PTH2R: variants seen among roughly 807,000 people sequenced by gnomAD.
PTH2R encodes the protein PTH2 receptor.
In PTH2R, 59 loss-of-function variants were observed where a neutral mutation model predicts 60.3. That is an observed-to-expected ratio of 0.98 (90% CI 0.79 to 1.22). The LOEUF is 1.22. PTH2R is among the 50% of genes most tolerant of loss of function. PTH2R has a pLI of 0.00. For synonymous variants in PTH2R, 256 were observed against 243.8 expected, an observed-to-expected ratio of 1.05 and a Z score of -0.47; for missense variants, 749 against 682.6, an observed-to-expected ratio of 1.10 and a Z score of -1.08.
chr2:208,405,551 A>G (rs1701386105), upstream of PTH2R, among the ~76,000 whole-genome samples: 1 of 152,234 alleles, frequency 6.6e-6, no homozygotes, highest in Non-Finnish European at 1.5e-5. Flanking sequence ...CCATTCACAG[A>G]CTATGATCAC....
rs1701419874 is a variant in PTH2R, at chr2:208,406,795, A to G, written c.-249A>G. 2.8e-6 allele frequency: 1 copy of G among 352,994 alleles called. No homozygotes were observed. The highest frequency in any genetic ancestry group is 5.1e-6 in the Non-Finnish European group (1 of 197,272). The allele number at this position is 352,994 out of a possible 1,614,324, so 21.9% of individuals were successfully genotyped here. On this transcript the variant is annotated 5_prime_UTR_variant, in exon 1 of 13. Transcript: ENST00000272847. ...CGCGGGGCTGCGAGTCAAGTCCAGG[A>G]CTCGGGCCAGTCTCTCCGGAAGACA...
At chr2:208,471,439 CA>C (rs1426899271) in intron 9 of PTH2R, among the ~76,000 whole-genome samples, 5 of 152,320 alleles carry the variant, frequency 3.3e-5, no homozygotes, top group Non-Finnish European at 7.3e-5. Flanking sequence ...CTGCTCCAGC[CA>C]TGGCTGAAAG....
intron 7 of PTH2R, among the ~76,000 whole-genome samples, chr2:208,446,526 A>G (rs1025560760): frequency 3.3e-5 from 5 of 152,236 alleles, no homozygotes; most frequent in South Asian, 2.1e-4. Context: ...CGCATTTTAC[A>G]TGCCACATTT....
At chr2:208,452,598 C>A (rs1702428395) in intron 8 of PTH2R, among the ~76,000 whole-genome samples, 5 of 152,124 alleles carry the variant, frequency 3.3e-5, no homozygotes. Context: ...TATAGACCCT[C>A]ATAGGCCAGA....
intron 7 of PTH2R, among the ~76,000 whole-genome samples, chr2:208,445,515 A>T (rs182349621): frequency 6.6e-6 from 1 of 152,208 alleles, no homozygotes; most frequent in African/African-American, 2.4e-5. Flanking sequence ...CATGGAGAAA[A>T]GAAATTGTTT....
Position 208,470,135 on chromosome 2 carries a change from C to T in PTH2R, c.981+10174C>T, listed in dbSNP as rs370872047. Among the ~76,000 whole-genome samples the T allele has an allele frequency of 3.3e-4, 50 of 152,270 alleles. No homozygotes were observed. In the South Asian group the frequency reaches 9.7e-3, roughly 30 times the overall value. On this transcript the variant is annotated intron_variant, in intron 9 of 12. Coordinates refer to ENST00000272847, the MANE Select transcript of PTH2R (RefSeq NM_005048.4). ...TACTCTTGGGTACTTATGAAAGGGC[C>T]TTGAGAATGCCAGTATTATGGTGTG...
chr2:208,395,974 T>C (rs1268592108), intron 1 of PTH2R, among the ~76,000 whole-genome samples: 2 of 152,042 alleles, frequency 1.3e-5, no homozygotes, highest in African/African-American at 2.4e-5. Context: ...TATAGACCAG[T>C]GGAACAGAAC....
intron 1 of PTH2R, among the ~76,000 whole-genome samples, chr2:208,419,010 G>C (rs1179100754): frequency 6.6e-6 from 1 of 152,008 alleles, no homozygotes; most frequent in Non-Finnish European, 1.5e-5. Context: ...CCCTAAAAGT[G>C]AAGTCAATCC....
chr2:208,481,306 G>T, intron 10 of PTH2R, 142 bp downstream of exon 10: 2 of 372,580 alleles, frequency 5.4e-6, no homozygotes, highest in Admixed American at 5.0e-5. Flanking sequence ...CGCCTCCCGG[G>T]TTCAAGCAAT....
intron 1 of PTH2R, among the ~76,000 whole-genome samples, chr2:208,422,208 A>T (rs552418449): frequency 2.7e-4 from 41 of 152,116 alleles, no homozygotes; most frequent in Non-Finnish European, 6.0e-4. Flanking sequence ...TTCAATTGAA[A>T]CCTTCAACAA....
chr2:208,360,459 G>A (rs1418241823), intron 1 of PTH2R, among the ~76,000 whole-genome samples: 1 of 152,168 alleles, frequency 6.6e-6, no homozygotes, highest in Non-Finnish European at 1.5e-5. Context: ...GCGCAGAACC[G>A]CAGCTCTGGG....
intron 9 of PTH2R, among the ~76,000 whole-genome samples, chr2:208,467,795 G>A (rs754255595): frequency 2.1e-4 from 32 of 152,064 alleles, no homozygotes; most frequent in Non-Finnish European, 3.8e-4. Flanking sequence ...AGGTCCTTGC[G>A]AAAGACATTC....
At chr2:208,373,085 CAAAT>C (rs953287312) in intron 1 of PTH2R, among the ~76,000 whole-genome samples, 12 of 151,930 alleles carry the variant, frequency 7.9e-5, no homozygotes, top group East Asian at 1.9e-4. Flanking sequence ...GACCCCGTCT[CAAAT>C]AAATAAATAA....
At chr2:208,445,688 GT>G (rs950558679) in intron 7 of PTH2R, among the ~76,000 whole-genome samples, 37 of 152,126 alleles carry the variant, frequency 2.4e-4, no homozygotes, top group Non-Finnish European at 4.1e-4. Context: ...AAATTTGAAG[GT>G]TTTTTTCCTC....
chr2:208,431,496 G>A (rs1701970993), intron 2 of PTH2R, among the ~76,000 whole-genome samples: 1 of 152,304 alleles, frequency 6.6e-6, no homozygotes, highest in South Asian at 2.1e-4. Flanking sequence ...GCAACTGCAA[G>A]GTGCCTAGAT....
At chr2:208,389,672 T>C (rs1292194056) in intron 1 of PTH2R, among the ~76,000 whole-genome samples, 2 of 152,220 alleles carry the variant, frequency 1.3e-5, no homozygotes, top group Non-Finnish European at 2.9e-5. Context: ...ACCTTTAACA[T>C]AGTGTGCCAA....
At position 208,490,625 on chromosome 2, in the gene PTH2R, T is replaced by C. The variant is rs2105912957; in HGVS notation, c.1216-14T>C. On this transcript the variant is annotated splice_polypyrimidine_tract_variant and intron_variant, in intron 11 of 12. Coordinates refer to ENST00000272847, the MANE Select transcript of PTH2R (RefSeq NM_005048.4). Reference sequence around the variant, plus strand: ...CTGAGTTGGCAGTGGGCTGACTTTCTCTTTTGTCTGCAGGGTTTCTTTGTG... The same window carrying C: ...CTGAGTTGGCAGTGGGCTGACTTTCCCTTTTGTCTGCAGGGTTTCTTTGTG... The C allele has an allele frequency of 1.9e-6, 3 of 1,605,734 alleles. No homozygotes were observed. The highest frequency in any genetic ancestry group is 1.1e-5 in the South Asian group (1 of 88,628).
At chr2:208,477,355 A>G (rs1703028502) in intron 9 of PTH2R, among the ~76,000 whole-genome samples, 1 of 152,190 alleles carries the variant, frequency 6.6e-6, no homozygotes, top group Non-Finnish European at 1.5e-5. Context: ...AGAAAACTCC[A>G]GGAACCAAGT....
intron 1 of PTH2R, among the ~76,000 whole-genome samples, chr2:208,382,870 G>T (rs183162031): frequency 2.1e-3 from 319 of 152,350 alleles, no homozygotes; most frequent in Middle Eastern, 0.01. Context: ...ACTGCATGCT[G>T]CTAGTGTGCC....
Sources: allele counts gnomAD v4.1 joint callset (sites outside exome capture counted in the v4.1 genomes callset), GRCh38; gene constraint gnomAD v4.1.1; transcripts MANE v1.5; gene names NCBI Gene and HGNC (gene_info 2026-07-23, HGNC 2026-07-21).